Variants in DCC observed in about 807,000 individuals in gnomAD.
DCC encodes DCC netrin 1 receptor, also known as netrin receptor DCC.
DCC carries 58 observed loss-of-function variants against 172.5 expected under a neutral mutation model. That is an observed-to-expected ratio of 0.34 (90% confidence interval 0.27 to 0.42). The LOEUF is 0.42. Ranked by LOEUF, DCC falls within the 10% of genes least tolerant of loss-of-function variation. The probability of loss-of-function intolerance (pLI) is 1.00; values close to 1 mark genes in which losing one functional copy is unlikely to be tolerated. For missense variants in DCC, 1,740 were observed against 1,791.0 expected (o/e 0.97, Z 0.51); for synonymous variants, 709 against 644.5 (o/e 1.10, Z -1.52).
At chr18:53,273,685 C>T (rs959255193) in intron 12 of DCC, among the ~76,000 whole-genome samples, 8 of 150,018 alleles carry the variant, frequency 5.3e-5, no homozygotes, top group African/African-American at 2.0e-4. Context: ...CACATGACAT[C>T]TTTTTTTCTC....
chr18:53,135,789 T>G (rs1568325230), intron 7 of DCC, among the ~76,000 whole-genome samples: 2 of 152,182 alleles, frequency 1.3e-5, no homozygotes, highest in Non-Finnish European at 2.9e-5. Flanking sequence ...TTGAGAGTGA[T>G]TGAATCACCC....
At chr18:52,445,551 T>G (rs918638359) in intron 1 of DCC, among the ~76,000 whole-genome samples, 12 of 152,200 alleles carry the variant, frequency 7.9e-5, no homozygotes, top group African/African-American at 2.9e-4. Flanking sequence ...TAAGTGTTGT[T>G]TATCTGTTAC....
chr18:52,532,778 T>A (rs1008762540), intron 1 of DCC, among the ~76,000 whole-genome samples: 4 of 152,092 alleles, frequency 2.6e-5, no homozygotes, highest in African/African-American at 9.7e-5. Context: ...GGAGATGAAC[T>A]GTCATGGGTG....
intron 2 of DCC, among the ~76,000 whole-genome samples, chr18:52,827,391 G>C (rs768866214): frequency 3.0e-4 from 46 of 152,282 alleles, no homozygotes; most frequent in Non-Finnish European, 5.1e-4. Flanking sequence ...ATATAGCATA[G>C]CTAGCATTAA....
chr18:52,541,873 G>GTGTATATATATATATATATATATATA (rs1555695208), intron 1 of DCC, among the ~76,000 whole-genome samples: 2 of 30,058 alleles, frequency 6.7e-5, no homozygotes, highest in Admixed American at 3.9e-4. Context: ...ATGTGTGTGT[G>GTGTATATATATATATATATATATATA]TGTATATATA....
At chr18:53,418,885 G>A (rs1361025375) in intron 21 of DCC, among the ~76,000 whole-genome samples, 1 of 152,168 alleles carries the variant, frequency 6.6e-6, no homozygotes, top group African/African-American at 2.4e-5. Context: ...TTATGTAATT[G>A]TAAATTGATG....
chr18:52,564,675 G>GC (rs2033114725), intron 1 of DCC, among the ~76,000 whole-genome samples: 1 of 141,976 alleles, frequency 7.0e-6, no homozygotes, highest in African/African-American at 2.6e-5. Context: ...ATTGGGGGGG[G>GC]GGGTGTTAAA....
At chr18:53,105,198 G>A (rs1413846442) in intron 7 of DCC, among the ~76,000 whole-genome samples, 1 of 152,018 alleles carries the variant, frequency 6.6e-6, no homozygotes, top group Non-Finnish European at 1.5e-5. Context: ...TCTTTCTGGT[G>A]CTATTTCTTG....
chr18:53,499,738 A>ATGAATCC (rs1252833564), intron 27 of DCC, among the ~76,000 whole-genome samples: 3 of 152,178 alleles, frequency 2.0e-5, no homozygotes, highest in Non-Finnish European at 4.4e-5. Context: ...AAAGTTGTCC[A>ATGAATCC]TGAATCCTGG....
rs146712807 is a variant in DCC at position 53,357,299 on chromosome 18, G to C, written c.2359+17392G>C. 1.4e-3 allele frequency among the ~76,000 whole-genome samples: 214 copies of C among 152,148 alleles called. 1 individual carries two copies. Among genetic ancestry groups the C allele is most frequent in the Non-Finnish European group, 2.5e-3 (173 of 68,000 alleles). On this transcript the variant is annotated intron_variant, in intron 15 of 28. Transcript: ENST00000442544. ...TTAACCTGAGTGCTTTTAGAAATAG[G>C]TCTTTTATCCTGTGGAGAAATGAAC...
intron 8 of DCC, among the ~76,000 whole-genome samples, chr18:53,176,856 T>G (rs370642192): frequency 2.3e-4 from 35 of 151,334 alleles, no homozygotes; most frequent in African/African-American, 5.6e-4. Flanking sequence ...TATAAATCAT[T>G]CTGCTATAAA....
intron 5 of DCC, among the ~76,000 whole-genome samples, chr18:52,994,450 G>T (rs2041447284): frequency 6.6e-6 from 1 of 151,988 alleles, no homozygotes; most frequent in Non-Finnish European, 1.5e-5. Flanking sequence ...ATAAATTGAG[G>T]AATTCATTTC....
intron 12 of DCC, among the ~76,000 whole-genome samples, chr18:53,289,146 T>A (rs539338403): frequency 4.6e-4 from 34 of 74,548 alleles, no homozygotes; most frequent in African/African-American, 1.8e-3. Context: ...GGTAAGAATA[T>A]CTGCATGACA....
At chr18:53,471,817 A>ATC (rs1366548381) in intron 25 of DCC, among the ~76,000 whole-genome samples, 1 of 152,012 alleles carries the variant, frequency 6.6e-6, no homozygotes, top group African/African-American at 2.4e-5. Context: ...CTAACACAGC[A>ATC]TCTCTGGTCA....
intron 1 of DCC, among the ~76,000 whole-genome samples, chr18:52,557,401 A>T (rs1431802659): frequency 2.0e-5 from 3 of 152,216 alleles, no homozygotes; most frequent in African/African-American, 7.2e-5. Context: ...GAAATTAGTT[A>T]TTTGGTAGAT....
Position 52,599,285 on chromosome 18 carries a change from C to G in DCC, c.92-152769C>G, listed in dbSNP as rs565634968. 4.6e-5 allele frequency among the ~76,000 whole-genome samples: 7 copies of G among 152,178 alleles called. No homozygotes were observed. In the East Asian group the frequency reaches 1.2e-3, roughly 25 times the overall value. On this transcript the variant is annotated intron_variant, in intron 1 of 28. Coordinates refer to ENST00000442544, the MANE Select transcript of DCC (RefSeq NM_005215.4). ...GTATAAATAATACAGCAGTGCAGTT[C>G]CATCTAAAAACCAGGGGTCGAAAAA... is the stretch of plus-strand genomic sequence containing the variant.
At chr18:53,092,633 G>C (rs2043030778) in intron 7 of DCC, among the ~76,000 whole-genome samples, 1 of 152,156 alleles carries the variant, frequency 6.6e-6, no homozygotes, top group Admixed American at 6.5e-5. Context: ...TGAAATTCAA[G>C]ATCTAACATG....
chr18:53,289,693 GTTTT>G (rs1045800735), intron 12 of DCC, among the ~76,000 whole-genome samples: 1 of 152,066 alleles, frequency 6.6e-6, no homozygotes, highest in Non-Finnish European at 1.5e-5. Flanking sequence ...CAAAAAGAGT[GTTTT>G]TTTATTTTTT....
intron 5 of DCC, among the ~76,000 whole-genome samples, chr18:53,039,626 C>A (rs1370402926): frequency 6.6e-6 from 1 of 151,930 alleles, no homozygotes; most frequent in Admixed American, 6.6e-5. Flanking sequence ...TGTCCTCTAG[C>A]CAAGAGGGAG....
Sources: allele counts gnomAD v4.1 joint callset (sites outside exome capture counted in the v4.1 genomes callset), GRCh38; gene constraint gnomAD v4.1.1; transcripts MANE v1.5; gene names NCBI Gene and HGNC (gene_info 2026-07-23, HGNC 2026-07-21).